SLC38A1: variants seen among roughly 807,000 people sequenced by gnomAD.
SLC38A1 encodes solute carrier family 38 member 1.
In SLC38A1, 18 loss-of-function variants were observed where a neutral mutation model predicts 60.3. The observed-to-expected ratio is 0.30, with a 90% CI of 0.21 to 0.44. The LOEUF (loss-of-function observed/expected upper bound fraction) is 0.44, where lower values mean the gene tolerates loss of function less well. Among genes scored for constraint, SLC38A1 ranks in the 20% least tolerant of loss-of-function variants. The pLI is 1.00. For synonymous variants in SLC38A1, 196 were observed against 212.1 expected (o/e 0.92, Z 0.66); for missense variants, 448 against 587.2 (o/e 0.76, Z 2.45).
At chr12:46,195,378 A>C (rs1939322827) in intron 16 of SLC38A1, among the ~76,000 whole-genome samples, 1 of 152,184 alleles carries the variant, frequency 6.6e-6, no homozygotes, top group Non-Finnish European at 1.5e-5. Flanking sequence ...GGTGTTTCCC[A>C]GTCCAGCTAC....
At chr12:46,213,980 C>T (rs1940293999) in intron 5 of SLC38A1, among the ~76,000 whole-genome samples, 1 of 152,322 alleles carries the variant, frequency 6.6e-6, no homozygotes, top group South Asian at 2.1e-4. Context: ...AAGACTCCCT[C>T]TATGAAGATA....
intron 3 of SLC38A1, among the ~76,000 whole-genome samples, chr12:46,233,233 C>T (rs984149822): frequency 6.6e-5 from 10 of 151,904 alleles, no homozygotes; most frequent in African/African-American, 2.4e-4. Context: ...ATGTTGCCCA[C>T]GCTGGTCTCG....
intron 11 of SLC38A1, 139 bp from the exon 12 acceptor site, chr12:46,203,228 T>C: frequency 2.8e-6 from 2 of 708,344 alleles, no homozygotes; most frequent in Non-Finnish European, 4.7e-6. Flanking sequence ...GAGGTTTTGA[T>C]CTCTAAAGTA....
chr12:46,255,417 T>C (rs970796986), intron 1 of SLC38A1, among the ~76,000 whole-genome samples: 1 of 152,230 alleles, frequency 6.6e-6, no homozygotes, highest in African/African-American at 2.4e-5. Flanking sequence ...CCCCTTTAGT[T>C]TTAGCCAATG....
At chr12:46,234,361 G>A (rs898870613) in intron 3 of SLC38A1, among the ~76,000 whole-genome samples, 3 of 152,076 alleles carry the variant, frequency 2.0e-5, no homozygotes, top group Non-Finnish European at 2.9e-5. Context: ...TACTTAAAGC[G>A]TCCCTATTCT....
intron 5 of SLC38A1, among the ~76,000 whole-genome samples, chr12:46,218,454 C>T (rs555945405): frequency 4.8e-4 from 73 of 152,126 alleles, no homozygotes; most frequent in Non-Finnish European, 7.5e-4. Flanking sequence ...CATATTTTCC[C>T]ATTCTGTTTT....
Position 46,185,558 on chromosome 12 carries a change from T to C in SLC38A1, c.*3412A>G, listed in dbSNP as rs1310640574. 6.6e-6 allele frequency: 1 copy of C among 152,010 alleles called. No homozygotes were observed. Among genetic ancestry groups the C allele is most frequent in the Non-Finnish European group, 1.5e-5 (1 of 68,000 alleles). 9.4% of individuals were successfully genotyped at this position (152,010 alleles called of 1,614,324 possible). ...ACACAGTTACTAGCACTAAAAACAT[T>C]AAAAGTGCTGCGCGCTGGCCTCAAT... On this transcript the variant is annotated 3_prime_UTR_variant, in exon 17 of 17. Transcript: ENST00000398637.
At chr12:46,207,506 A>G (rs1218280824) in intron 7 of SLC38A1, 23 bp downstream of exon 7, 1 of 1,602,314 alleles carries the variant, frequency 6.2e-7, no homozygotes. Context: ...CAAGTTATGT[A>G]AAGAAAAGCA....
intron 13 of SLC38A1, among the ~76,000 whole-genome samples, chr12:46,199,222 G>A (rs890422285): frequency 6.6e-6 from 1 of 151,078 alleles, no homozygotes; most frequent in Non-Finnish European, 1.5e-5. Context: ...AGAGACACTA[G>A]TTGAAATTTC....
intron 3 of SLC38A1, among the ~76,000 whole-genome samples, chr12:46,235,613 CAG>C (rs1383089850): frequency 6.6e-6 from 1 of 152,036 alleles, no homozygotes; most frequent in Non-Finnish European, 1.5e-5. Context: ...AAATTGAATA[CAG>C]AAAGAAGTTA....
At chr12:46,213,738 T>A (rs905710059) in intron 5 of SLC38A1, among the ~76,000 whole-genome samples, 4 of 152,252 alleles carry the variant, frequency 2.6e-5, no homozygotes, top group Admixed American at 6.5e-5. Context: ...TCTCCTCACA[T>A]CCGTCTTCCA....
chr12:46,217,861 T>C (rs1301997832), intron 5 of SLC38A1, among the ~76,000 whole-genome samples: 4 of 151,868 alleles, frequency 2.6e-5, no homozygotes, highest in African/African-American at 9.7e-5. Flanking sequence ...ATTTGTACCG[T>C]TCTTTCCATT....
intron 5 of SLC38A1, among the ~76,000 whole-genome samples, chr12:46,226,700 C>G (rs1241439584): frequency 6.6e-6 from 1 of 150,406 alleles, no homozygotes; most frequent in Non-Finnish European, 1.5e-5. Context: ...ACTGCAACCT[C>G]TGCCTCCCGG....
At position 46,227,736 on chromosome 12, in the gene SLC38A1, G is replaced by A. The variant is rs931837900; in HGVS notation, c.314+1417C>T. On this transcript the variant is annotated intron_variant, in intron 5 of 16. Transcript: ENST00000398637. ...CTGAAAATAGTCACAGAACCATAGC[G>A]TTTTGGAGGTTGGCCTGGTTCTGAA... Among the ~76,000 whole-genome samples the A allele has an allele frequency of 5.3e-5, 8 of 152,264 alleles. No individual in the cohort carries two copies. The South Asian group carries it at 1.2e-3, about 24-fold the overall frequency.
chr12:46,257,338 A>G (rs1270343064), intron 1 of SLC38A1, among the ~76,000 whole-genome samples: 2 of 152,192 alleles, frequency 1.3e-5, no homozygotes, highest in Non-Finnish European at 2.9e-5. Context: ...AGGGACTTCT[A>G]ACCCCCTAAA....
chr12:46,256,603 G>A (rs899956081), intron 1 of SLC38A1, among the ~76,000 whole-genome samples: 4 of 45,500 alleles, frequency 8.8e-5, no homozygotes, highest in African/African-American at 1.7e-4. Context: ...TCCAGTTTGC[G>A]CGCGCGCGCG....
intron 16 of SLC38A1, among the ~76,000 whole-genome samples, chr12:46,194,921 GA>G (rs1381001682): frequency 2.6e-5 from 4 of 152,080 alleles, no homozygotes; most frequent in African/African-American, 9.7e-5. Context: ...CCAACCTTCT[GA>G]AGCCTACTTC....
chr12:46,242,699 G>C (rs1941485985), intron 2 of SLC38A1, among the ~76,000 whole-genome samples: 2 of 152,316 alleles, frequency 1.3e-5, no homozygotes, highest in South Asian at 2.1e-4. Flanking sequence ...CTACTTGAGA[G>C]GCTGTGGTGG....
rs112322856 is a variant in SLC38A1, at chr12:46,201,656, G to A, written c.903-458C>T. 4.9e-3 allele frequency among the ~76,000 whole-genome samples: 747 copies of A among 152,040 alleles called. 9 individuals are homozygous for A. The highest frequency in any genetic ancestry group is 0.017 in the African/African-American group (692 of 41,428). ...TTTCCCATTGGGTGGCCTCAGGGAT[G>A]CACCTGGAAGTCTGTAGGTCTCCAG... On this transcript the variant is annotated intron_variant, in intron 12 of 16. Transcript: ENST00000398637.
Sources: gnomAD v4.1 joint callset for allele counts (sites outside exome capture counted in the v4.1 genomes callset) on GRCh38, gnomAD v4.1.1 for gene constraint, MANE v1.5 for transcripts, NCBI Gene and HGNC (gene_info 2026-07-23, HGNC 2026-07-21) for gene names.